The following SKAP1 variants were observed in gnomAD, a reference collection of about 807,000 sequenced individuals.
SKAP1 encodes the protein src kinase associated phosphoprotein 1.
Under a neutral mutation model 58.5 loss-of-function variants are expected in SKAP1, and 44 were observed. The ratio of observed to expected loss-of-function variants is 0.75; its 90% confidence interval spans 0.59 to 0.97. The LOEUF is 0.97. Among genes scored for constraint, SKAP1 ranks in the 50% least tolerant of loss-of-function variants. The pLI, the probability that SKAP1 is intolerant of heterozygous loss-of-function variation, is 0.00. For synonymous variants in SKAP1, 127 were observed against 149.7 expected (o/e 0.85, Z 1.11); for missense variants, 390 against 435.2 (o/e 0.90, Z 0.92).
At chr17:48,428,838 C>T (rs2067880925) in intron 1 of SKAP1, among the ~76,000 whole-genome samples, 1 of 152,038 alleles carries the variant, frequency 6.6e-6, no homozygotes, top group Admixed American at 6.5e-5. Context: ...TCTCTTTTAC[C>T]CTGCAAATAG....
intron 9 of SKAP1, 53 bp from the exon 10 acceptor site, chr17:48,170,712 C>A: frequency 2.3e-5 from 25 of 1,103,650 alleles, no homozygotes; most frequent in Non-Finnish European, 2.8e-5. Context: ...GTCTCATGTT[C>A]TTTTTTTTTT....
intron 3 of SKAP1, 67 bp from the exon 4 acceptor site, chr17:48,346,073 A>T: frequency 4.4e-6 from 4 of 909,796 alleles, no homozygotes; most frequent in Non-Finnish European, 6.7e-6. Flanking sequence ...ATACATCCTT[A>T]TAAAAGGATC....
chr17:48,284,330 G>C (rs2065803876), intron 4 of SKAP1, among the ~76,000 whole-genome samples: 2 of 152,138 alleles, frequency 1.3e-5, no homozygotes, highest in African/African-American at 4.8e-5. Context: ...CTTTATGGTG[G>C]GTTTGAAACA....
At chr17:48,316,107 G>C (rs913452897) in intron 4 of SKAP1, among the ~76,000 whole-genome samples, 25 of 152,160 alleles carry the variant, frequency 1.6e-4, no homozygotes, top group Non-Finnish European at 2.9e-5. Flanking sequence ...AGAATAGTTA[G>C]AGAATTCTTT....
chr17:48,363,736 A>G (rs2066965478), intron 3 of SKAP1, 53 bp downstream of exon 3: 3 of 1,485,776 alleles, frequency 2.0e-6, no homozygotes, highest in Non-Finnish European at 2.8e-6. Flanking sequence ...GGAATAAACA[A>G]TCCCATTTAC....
intron 2 of SKAP1, among the ~76,000 whole-genome samples, chr17:48,368,609 T>C (rs2067041000): frequency 6.6e-6 from 1 of 152,228 alleles, no homozygotes; most frequent in Non-Finnish European, 1.5e-5. Flanking sequence ...CTATCACTCC[T>C]CTGCAATATC....
chr17:48,210,836 A>G (rs2064862844), intron 4 of SKAP1, among the ~76,000 whole-genome samples: 1 of 152,064 alleles, frequency 6.6e-6, no homozygotes, highest in African/African-American at 2.4e-5. Context: ...TTCCCATTCT[A>G]TTCCTCATAG....
At position 48,425,177 on chromosome 17, in the gene SKAP1, G is replaced by C. The variant is rs374684490; in HGVS notation, c.46+4898C>G. Among the ~76,000 whole-genome samples the C allele has an allele frequency of 1.2e-4, 19 of 152,264 alleles. No individual in the cohort carries two copies. The South Asian group carries it at 3.5e-3, about 28-fold the overall frequency. On this transcript the variant is annotated intron_variant, in intron 1 of 12. Coordinates refer to ENST00000336915, the MANE Select transcript of SKAP1 (RefSeq NM_003726.4). ...GGAGGCTGAGGCAGAAGAATTGCTCGAACCTGGGAGGCGGGGGTTGTGGTG... is the reference window on the plus strand; with the variant it reads ...GGAGGCTGAGGCAGAAGAATTGCTCCAACCTGGGAGGCGGGGGTTGTGGTG...
rs1018562013 is a variant in SKAP1, at chr17:48,180,115, A to G, written c.765T>C (p.Ser255=). Residue 255 remains serine (S), a synonymous_variant, in exon 9 of 13, where the codon AGT becomes AGC. Transcript: ENST00000336915. Reference sequence around the variant, plus strand: ...CCTCTGTAGGCTCTTTTATCCCCACACTCCCAGGCAAGATAGTGGGTCTGC... The same window carrying G: ...CCTCTGTAGGCTCTTTTATCCCCACGCTCCCAGGCAAGATAGTGGGTCTGC... ...SQCRPTILPG[S]VGIKEPTEEK... is the part of the protein sequence containing the mutation. 3.1e-6 allele frequency: 5 copies of G among 1,612,846 alleles called. No individual in the cohort carries two copies. The African/African-American group carries it at 4.0e-5, about 13-fold the overall frequency.
chr17:48,139,410 T>C (rs2063741747), intron 11 of SKAP1, among the ~76,000 whole-genome samples: 1 of 150,856 alleles, frequency 6.6e-6, no homozygotes, highest in Non-Finnish European at 1.5e-5. Context: ...CTTGAGCTCC[T>C]GACCTCGTCA....
chr17:48,419,924 C>G (rs538334275), intron 1 of SKAP1, among the ~76,000 whole-genome samples: 1 of 152,138 alleles, frequency 6.6e-6, no homozygotes, highest in African/African-American at 2.4e-5. Context: ...GGAAGACTTG[C>G]TATCTGGATG....
chr17:48,262,900 G>A (rs1343485498), intron 4 of SKAP1, among the ~76,000 whole-genome samples: 2 of 152,172 alleles, frequency 1.3e-5, no homozygotes, highest in African/African-American at 4.8e-5. Context: ...GTGGATATCT[G>A]TAACATTACT....
At chr17:48,268,834 C>T (rs138922065) in intron 4 of SKAP1, among the ~76,000 whole-genome samples, 1 of 152,094 alleles carries the variant, frequency 6.6e-6, no homozygotes, top group East Asian at 1.9e-4. Context: ...ACTAAAACCA[C>T]AGTAAGATTT....
intron 11 of SKAP1, among the ~76,000 whole-genome samples, chr17:48,140,855 C>T (rs1466799490): frequency 1.5e-4 from 23 of 150,610 alleles, no homozygotes; most frequent in Admixed American, 1.3e-3. Context: ...CTCATGATCT[C>T]GGCTGACCAC....
At chr17:48,192,351 T>C (rs1376737111) in intron 4 of SKAP1, among the ~76,000 whole-genome samples, 1 of 152,094 alleles carries the variant, frequency 6.6e-6, no homozygotes, top group African/African-American at 2.4e-5. Flanking sequence ...TTGTCAAAGA[T>C]GCCAAGAGTC....
At chr17:48,231,510 CTATG>C (rs760256188) in intron 4 of SKAP1, among the ~76,000 whole-genome samples, 1 of 150,598 alleles carries the variant, frequency 6.6e-6, no homozygotes, top group Non-Finnish European at 1.5e-5. Context: ...ACTAAATACT[CTATG>C]TAGTTGAGAG....
At chr17:48,299,993 G>A (rs1047700170) in intron 4 of SKAP1, among the ~76,000 whole-genome samples, 1 of 152,152 alleles carries the variant, frequency 6.6e-6, no homozygotes, top group African/African-American at 2.4e-5. Flanking sequence ...CAGTATTTCA[G>A]GTCATGGTTT....
chr17:48,171,734 A>AGTGTGT (rs3221423), intron 9 of SKAP1, among the ~76,000 whole-genome samples: 30,914 of 148,926 alleles, frequency 0.21, 3,289 homozygotes, highest in Non-Finnish European at 0.24. Context: ...AGGATGTTAG[A>AGTGTGT]GTGTGTGTGT....
intron 4 of SKAP1, among the ~76,000 whole-genome samples, chr17:48,262,024 G>T (rs1889632627): frequency 6.6e-6 from 1 of 152,166 alleles, no homozygotes; most frequent in South Asian, 2.1e-4. Flanking sequence ...GCTGCCAAGG[G>T]TCTGCAACTT....
Sources: allele counts gnomAD v4.1 joint callset (sites outside exome capture counted in the v4.1 genomes callset), GRCh38; gene constraint gnomAD v4.1.1; transcripts MANE v1.5; gene names NCBI Gene and HGNC (gene_info 2026-07-23, HGNC 2026-07-21).